The following SLC35E3 variants were observed in gnomAD, a reference collection of about 807,000 sequenced individuals.
The protein encoded by SLC35E3 is bladder cancer-overexpressed gene 1 protein.
In SLC35E3, 28 loss-of-function variants were observed where a neutral mutation model predicts 30.8. The observed-to-expected ratio is 0.91, with a 90% CI of 0.67 to 1.25. The LOEUF is 1.25. Ranked by LOEUF, SLC35E3 falls within the 50% of genes most tolerant of loss-of-function variation. SLC35E3 has a pLI of 0.00. For missense variants in SLC35E3, 365 were observed against 375.4 expected (o/e 0.97, Z 0.23); for synonymous variants, 146 against 149.2 (o/e 0.98, Z 0.16).
rs1879349784 is a variant in SLC35E3 at position 68,765,162 on chromosome 12, A to T, written c.*272A>T. ...TCCCAGCTACTCGGGAGGCTGAGGC[A>T]GGAGAATCACTTGAACCCGGGAGGC... On this transcript the variant is annotated 3_prime_UTR_variant, in exon 5 of 5. Transcript: ENST00000398004. 2 of 208,230 alleles carry T rather than the reference A, an allele frequency of 9.6e-6. No individual in the cohort carries two copies. The allele number at this position is 208,230 out of a possible 1,614,324, so 12.9% of individuals were successfully genotyped here. A position where few individuals can be genotyped will look rare whatever the true frequency, so the allele number is the denominator to read the frequency against.
intron 2 of SLC35E3, among the ~76,000 whole-genome samples, chr12:68,750,818 G>A (rs191174034): frequency 6.6e-6 from 1 of 152,208 alleles, no homozygotes; most frequent in East Asian, 1.9e-4. Context: ...GCAGGAGTAT[G>A]GTTCAAATTC....
rs746130726 is a variant in SLC35E3, at chr12:68,752,109, C to G, written c.591C>G (p.Ala197=). 1 of 1,613,962 alleles carries G rather than the reference C, an allele frequency of 6.2e-7. No homozygotes were observed. The highest frequency in any genetic ancestry group is 8.5e-7 in the Non-Finnish European group (1 of 1,180,000). The change falls in exon 3 of 5, where the codon GCC becomes GCG. Residue 197 remains alanine (A), a synonymous_variant. Coordinates refer to ENST00000398004, the MANE Select transcript of SLC35E3 (RefSeq NM_018656.5). ...LLYYQAPMSS[A]MLLVAVPFFE... ...ACTACCAGGCTCCGATGTCATCTGC[C>G]ATGTTGCTGGTTGCTGTGCCCTTCT...
chr12:68,755,280 A>G (rs964041940), intron 3 of SLC35E3, among the ~76,000 whole-genome samples: 5 of 152,200 alleles, frequency 3.3e-5, no homozygotes, highest in Non-Finnish European at 7.3e-5. Flanking sequence ...CATTCAGTCC[A>G]TAATACCTTA....
Position 68,766,566 on chromosome 12 carries a change from C to A in SLC35E3, c.*1676C>A. The A allele has an allele frequency of 4.5e-6, 1 of 224,160 alleles. No homozygotes were observed. Among genetic ancestry groups the A allele is most frequent in the Non-Finnish European group, 9.4e-6 (1 of 106,704 alleles). 13.9% of individuals were successfully genotyped at this position (224,160 alleles called of 1,614,324 possible). ...AAATGGAATTGAACATGTTTGTTAG[C>A]TGTTTGAGCATTTTATATTGGTAAA... On this transcript the variant is annotated 3_prime_UTR_variant, in exon 5 of 5. Transcript: ENST00000398004.
chr12:68,764,030 C>T (rs1879307236), intron 4 of SLC35E3, among the ~76,000 whole-genome samples: 1 of 152,134 alleles, frequency 6.6e-6, no homozygotes, highest in Non-Finnish European at 1.5e-5. Context: ...GTATTACTCC[C>T]TCTCCCCCTC....
rs1879150836 is a variant in SLC35E3, at chr12:68,759,160, A to G, written c.676A>G (p.Met226Val). The change falls in exon 4 of 5, where the codon ATG (methionine) becomes GTG (valine). Residue 226 changes from methionine to valine, a missense_variant. Physicochemically the swap from Met to Val is conservative, Grantham distance 21 (BLOSUM62 1). Transcript: ENST00000398004. ...FGPWSVSALL[M>V]VLLSGVIAFM... ...GGTTCTTTTGGTTTATTTGTAGCTT[A>G]TGGTGCTGCTATCTGGAGTAATAGC... The G allele has an allele frequency of 1.2e-6, 2 of 1,610,466 alleles. No homozygotes were observed. Among genetic ancestry groups the G allele is most frequent in the African/African-American group, 1.3e-5 (1 of 74,942 alleles).
intron 2 of SLC35E3, among the ~76,000 whole-genome samples, chr12:68,748,981 G>A (rs1333496194): frequency 6.6e-6 from 1 of 152,176 alleles, no homozygotes; most frequent in Non-Finnish European, 1.5e-5. Flanking sequence ...TTTTCTAGTG[G>A]CAGAGAAGCA....
rs548949712 is a variant in SLC35E3, at chr12:68,778,508, G to A, written c.*13618G>A. On this transcript the variant is annotated 3_prime_UTR_variant, in exon 5 of 5. Coordinates refer to ENST00000398004, the MANE Select transcript of SLC35E3 (RefSeq NM_018656.5). ...TGTTTTTTAGAAACAGGGTCTTGCC[G>A]GCCAGGCGTGGTGACTCATGCCTGT... is the stretch of plus-strand genomic sequence containing the variant. 6.6e-6 allele frequency: 1 copy of A among 151,978 alleles called. No individual in the cohort carries two copies. The highest frequency in any genetic ancestry group is 2.4e-5 in the African/African-American group (1 of 41,414). The allele number at this position is 151,978 out of a possible 1,614,324, so 9.4% of individuals were successfully genotyped here. A position where few individuals can be genotyped will look rare whatever the true frequency, so the allele number is the denominator to read the frequency against.
At chr12:68,764,572 T>A in intron 4 of SLC35E3, 132 bp from the exon 5 acceptor site, 1 of 682,198 alleles carries the variant, frequency 1.5e-6, no homozygotes, top group Non-Finnish European at 2.3e-6. Context: ...ACAGGCATGA[T>A]CCACCACGCC....
In SLC35E3 at chr12:68,769,365, A is replaced by C. The variant is rs1366113495; in HGVS notation, c.*4475A>C. 1 of 151,930 alleles carries C rather than the reference A, an allele frequency of 6.6e-6. No individual in the cohort carries two copies. The highest frequency in any genetic ancestry group is 1.5e-5 in the Non-Finnish European group (1 of 68,032). 9.4% of individuals were successfully genotyped at this position (151,930 alleles called of 1,614,324 possible). ...AAAGGTGAGAGTTTGATTAAAAGAA[A>C]GGAGACCTTGGCCGGGCACGGTGGC... On this transcript the variant is annotated 3_prime_UTR_variant, in exon 5 of 5. Transcript: ENST00000398004.
chr12:68,763,381 G>C (rs1879287535), intron 4 of SLC35E3, among the ~76,000 whole-genome samples: 2 of 151,310 alleles, frequency 1.3e-5, no homozygotes, highest in Admixed American at 1.3e-4. Context: ...GTGTGTGTGT[G>C]TGTCTGTGTC....
At position 68,752,052 on chromosome 12, in the gene SLC35E3, T is replaced by G. The variant is rs1484641336; in HGVS notation, c.534T>G (p.His178Gln). Residue 178 changes from histidine to glutamine, a missense_variant, in exon 3 of 5, where the codon CAT becomes CAG. Physicochemically the swap from His to Gln is conservative, Grantham distance 24. Transcript: ENST00000398004. ...TTCAGTGGGTAGGAGCCAAACAGCATGAATTACAAGTGAACTCAATGCAGC... is the reference window on the plus strand; with the variant it reads ...TTCAGTGGGTAGGAGCCAAACAGCAGGAATTACAAGTGAACTCAATGCAGC... Reference protein sequence around the residue: ...LYQVWVGAKQHELQVNSMQLL... With the variant: ...LYQVWVGAKQQELQVNSMQLL... 3 of 1,601,804 alleles carry G rather than the reference T, an allele frequency of 1.9e-6. No individual in the cohort carries two copies. The highest frequency in any genetic ancestry group is 2.6e-6 in the Non-Finnish European group (3 of 1,176,350).
rs1879718436 is a variant in SLC35E3, at chr12:68,775,597, G to A, written c.*10707G>A. The stretch of plus-strand genomic sequence containing the variant: ...CCATCTCTCAATATTGCCACATTGG[G>A]GATGTTTCCAGATGAGTTTTGGAGG... On this transcript the variant is annotated 3_prime_UTR_variant, in exon 5 of 5. Coordinates refer to ENST00000398004, the MANE Select transcript of SLC35E3 (RefSeq NM_018656.5). The A allele has an allele frequency of 6.6e-6, 1 of 152,144 alleles. No individual in the cohort carries two copies. 9.4% of individuals were successfully genotyped at this position (152,144 alleles called of 1,614,324 possible).
intron 4 of SLC35E3, among the ~76,000 whole-genome samples, chr12:68,762,954 T>G (rs1879273957): frequency 6.6e-6 from 1 of 152,148 alleles, no homozygotes; most frequent in South Asian, 2.1e-4. Context: ...GCTCTGCCAC[T>G]CTCTGTGGGC....
At chr12:68,751,788 CCTT>C (rs775422873) in intron 2 of SLC35E3, among the ~76,000 whole-genome samples, 1 of 152,162 alleles carries the variant, frequency 6.6e-6, no homozygotes, top group Non-Finnish European at 1.5e-5. Flanking sequence ...CTTTTCTCCT[CCTT>C]CTAAGAATTG....
intron 4 of SLC35E3, 135 bp from the exon 5 acceptor site, chr12:68,764,569 T>G: frequency 6.1e-6 from 4 of 651,308 alleles, no homozygotes; most frequent in Non-Finnish European, 9.6e-6. Flanking sequence ...ATTACAGGCA[T>G]GATCCACCAC....
Position 68,774,560 on chromosome 12 carries a change from CAA to C in SLC35E3, c.*9671_*9672del, listed in dbSNP as rs1879687437. The C allele has an allele frequency of 7.3e-6, 1 of 137,792 alleles. No homozygotes were observed. The highest frequency in any genetic ancestry group is 7.9e-5 in the Admixed American group (1 of 12,710). The allele number at this position is 137,792 out of a possible 1,614,324, so 8.5% of individuals were successfully genotyped here. ...CGCCATTGCACTCCAGCCTGGGCAA[CAA>C]GAGTGAAACTCCATCTCAAAAAAAA... On this transcript the variant is annotated 3_prime_UTR_variant, in exon 5 of 5. Coordinates refer to ENST00000398004, the MANE Select transcript of SLC35E3 (RefSeq NM_018656.5).
intron 3 of SLC35E3, 47 bp downstream of exon 3, chr12:68,752,237 T>G: frequency 1.4e-6 from 2 of 1,470,512 alleles, no homozygotes; most frequent in South Asian, 2.7e-5. Flanking sequence ...TAATAATAAC[T>G]CCTCCATTAT....
Position 68,779,299 on chromosome 12 carries a change from T to G in SLC35E3, c.*14409T>G, listed in dbSNP as rs1565723041. The G allele has an allele frequency of 6.6e-6, 1 of 152,222 alleles. No individual in the cohort carries two copies. The highest frequency in any genetic ancestry group is 2.4e-5 in the African/African-American group (1 of 41,450). The allele number at this position is 152,222 out of a possible 1,614,324, so 9.4% of individuals were successfully genotyped here. A position where few individuals can be genotyped will look rare whatever the true frequency, so the allele number is the denominator to read the frequency against. On this transcript the variant is annotated 3_prime_UTR_variant, in exon 5 of 5. Transcript: ENST00000398004. Reference sequence around the variant, plus strand: ...ATGTGTGGCTATATTTGGTAGGTTTTAAATGAAAAGATTTTTGTTTTCTGT... The same window carrying G: ...ATGTGTGGCTATATTTGGTAGGTTTGAAATGAAAAGATTTTTGTTTTCTGT...
Sources: allele counts gnomAD v4.1 joint callset (sites outside exome capture counted in the v4.1 genomes callset), GRCh38; gene constraint gnomAD v4.1.1; transcripts MANE v1.5; gene names NCBI Gene and HGNC (gene_info 2026-07-23, HGNC 2026-07-21).